EGFR: variants seen among roughly 807,000 people sequenced by gnomAD.
EGFR encodes epidermal growth factor receptor, also known as avian erythroblastic leukemia viral (v-erb-b) oncogene homolog.
A neutral mutation model predicts 143.0 loss-of-function variants in EGFR; 58 were observed. The ratio of observed to expected loss-of-function variants is 0.41; its 90% CI spans 0.33 to 0.50. EGFR has a LOEUF of 0.50. Ranked by LOEUF, EGFR falls within the 20% of genes least tolerant of loss-of-function variation. EGFR has a pLI of 0.39. For synonymous variants in EGFR, 613 were observed against 594.4 expected (o/e 1.03, Z -0.45); for missense variants, 1,307 against 1,579.0 (o/e 0.83, Z 2.92).
intron 1 of EGFR, among the ~76,000 whole-genome samples, chr7:55,063,526 AC>A (rs1427568296): frequency 6.6e-6 from 1 of 152,136 alleles, no homozygotes; most frequent in African/African-American, 2.4e-5. Context: ...CTAAACTTGC[AC>A]TCATGGAAAA....
In EGFR at chr7:55,162,743, A is replaced by G. The variant is rs578036531; in HGVS notation, c.1632-990A>G. Among the ~76,000 whole-genome samples, 6 of 152,316 alleles carry G rather than the reference A, an allele frequency of 3.9e-5. No individual in the cohort carries two copies. The South Asian group carries it at 1.2e-3, about 32-fold the overall frequency. On this transcript the variant is annotated intron_variant, in intron 13 of 27. Transcript: ENST00000275493. ...CACAGAAGACACAACCCTGTATCAC[A>G]TTTTGTTTAATGGTGCCATTGACCA...
intron 1 of EGFR, among the ~76,000 whole-genome samples, chr7:55,082,739 G>A (rs1790534973): frequency 6.6e-6 from 1 of 152,128 alleles, no homozygotes; most frequent in African/African-American, 2.4e-5. Context: ...GCTTCCCCAG[G>A]GCTGCTCTAA....
chr7:55,161,355 G>C, intron 12 of EGFR, 144 bp from the exon 13 acceptor site: 1 of 1,183,392 alleles, frequency 8.5e-7, no homozygotes, highest in Non-Finnish European at 1.2e-6. Context: ...CCCAGTCTGT[G>C]TCCTCCTCCT....
At position 55,210,036 on chromosome 7, in the gene EGFR, A is replaced by G. The variant is rs1400680030; in HGVS notation, c.*4419A>G. ...TATATTTAGGAAATTTTAAAAGATG[A>G]TGGAAAGCACATTTAGCTTGGTCTG... On this transcript the variant is annotated 3_prime_UTR_variant, in exon 28 of 28. Transcript: ENST00000275493. 1 of 152,270 alleles carries G rather than the reference A, an allele frequency of 6.6e-6. No homozygotes were observed. Among genetic ancestry groups the G allele is most frequent in the East Asian group, 1.9e-4 (1 of 5,178 alleles). The allele number at this position is 152,270 out of a possible 1,614,324, so 9.4% of individuals were successfully genotyped here.
intron 1 of EGFR, among the ~76,000 whole-genome samples, chr7:55,047,660 G>A (rs1788256588): frequency 6.6e-6 from 1 of 152,118 alleles, no homozygotes. Flanking sequence ...CTGAGGCAGG[G>A]GAATCACTTG....
In EGFR at chr7:55,056,011, A is replaced by T. The variant is rs376936655; in HGVS notation, c.88+36646A>T. 6.6e-5 allele frequency among the ~76,000 whole-genome samples: 10 copies of T among 152,156 alleles called. No homozygotes were observed. In the East Asian group the frequency reaches 1.5e-3, roughly 24 times the overall value. ...CCATCTGGTTTCTTCCAGCTCTGAG[A>T]GTGCATTTGCTCTGTGATTCATTCG... is the stretch of plus-strand genomic sequence containing the variant. On this transcript the variant is annotated intron_variant, in intron 1 of 27. Transcript: ENST00000275493.
chr7:55,069,565 A>G (rs917879), intron 1 of EGFR, among the ~76,000 whole-genome samples: 40,553 of 151,854 alleles, frequency 0.27, 6,163 homozygotes, highest in Non-Finnish European at 0.35. Flanking sequence ...CACGTACTTT[A>G]CCCCCAAGAC....
chr7:55,172,777 G>A (rs1584221498), intron 16 of EGFR: 2 of 1,441,810 alleles, frequency 1.4e-6, no homozygotes, highest in African/African-American at 1.4e-5. Flanking sequence ...AGTGTGCCTG[G>A]TAGGGGACTG....
chr7:55,073,360 T>C (rs1439892807), intron 1 of EGFR, among the ~76,000 whole-genome samples: 1 of 152,194 alleles, frequency 6.6e-6, no homozygotes, highest in Non-Finnish European at 1.5e-5. Flanking sequence ...GGGGATTTTT[T>C]TGTGACTATA....
chr7:55,150,141 A>G (rs979961156), intron 4 of EGFR, among the ~76,000 whole-genome samples: 1 of 152,210 alleles, frequency 6.6e-6, no homozygotes, highest in Non-Finnish European at 1.5e-5. Context: ...TTTTTCTTTT[A>G]AATATTTTTA....
intron 1 of EGFR, among the ~76,000 whole-genome samples, chr7:55,120,035 G>T (rs1306898541): frequency 6.6e-6 from 1 of 152,352 alleles, no homozygotes; most frequent in Non-Finnish European, 1.5e-5. Flanking sequence ...TGCTGACTGG[G>T]TAGCCAGATA....
chr7:55,019,361 G>A lies in EGFR; in HGVS notation c.84G>A (p.Lys28=), dbSNP rs770673046. The A allele has an allele frequency of 3.3e-6, 5 of 1,507,758 alleles. No individual in the cohort carries two copies. The South Asian group carries it at 4.8e-5, about 14-fold the overall frequency. 93.4% of individuals were successfully genotyped at this position (1,507,758 alleles called of 1,614,324 possible). A position where few individuals can be genotyped will look rare whatever the true frequency, so the allele number is the denominator to read the frequency against. The change falls in exon 1 of 28, where the codon AAG becomes AAA. Residue 28 remains lysine, a synonymous_variant. Transcript: ENST00000275493. ...LCPASRALEE[K]KVCQGTSNKL... is the part of the protein sequence containing the mutation. ...CGGCGAGTCGGGCTCTGGAGGAAAAGAAAGGTAAGGGCGTGTCTCGCCGGC... is the reference window on the plus strand; with the variant it reads ...CGGCGAGTCGGGCTCTGGAGGAAAAAAAAGGTAAGGGCGTGTCTCGCCGGC...
intron 19 of EGFR, among the ~76,000 whole-genome samples, chr7:55,177,926 G>A (rs894224490): frequency 6.6e-6 from 1 of 152,250 alleles, no homozygotes; most frequent in South Asian, 2.1e-4. Flanking sequence ...TACACCGAAC[G>A]GGACACACGA....
intron 22 of EGFR, among the ~76,000 whole-genome samples, chr7:55,194,934 T>C (rs1404908): frequency 0.63 from 95,394 of 152,028 alleles, 30,821 homozygotes; most frequent in East Asian, 0.9. Context: ...CTAGTCAAGG[T>C]GAATTATTCA....
chr7:55,130,628 A>G (rs1438747605), intron 1 of EGFR, among the ~76,000 whole-genome samples: 6 of 152,318 alleles, frequency 3.9e-5, no homozygotes, highest in Admixed American at 3.3e-4. Context: ...TCATTTTAAA[A>G]CAAGCGTTAA....
chr7:55,073,558 T>C (rs1039191305), intron 1 of EGFR, among the ~76,000 whole-genome samples: 4 of 152,170 alleles, frequency 2.6e-5, no homozygotes, highest in Admixed American at 2.0e-4. Flanking sequence ...GGAAATGAAG[T>C]GTGTATTTTT....
chr7:55,098,822 A>G (rs1791633607), intron 1 of EGFR, among the ~76,000 whole-genome samples: 2 of 152,206 alleles, frequency 1.3e-5, no homozygotes, highest in South Asian at 4.1e-4. Context: ...AGATTCAACA[A>G]AGTAGTTGAA....
intron 1 of EGFR, among the ~76,000 whole-genome samples, chr7:55,130,942 G>A (rs566398322): frequency 6.6e-6 from 1 of 152,312 alleles, no homozygotes; most frequent in Admixed American, 6.5e-5. Flanking sequence ...ATGTGAGCAG[G>A]AGGGCAGGCC....
chr7:55,092,778 C>T (rs1243122403), intron 1 of EGFR, among the ~76,000 whole-genome samples: 1 of 152,266 alleles, frequency 6.6e-6, no homozygotes, highest in East Asian at 1.9e-4. Flanking sequence ...GCGTCAGCCG[C>T]TCCTGGCAGG....
Sources: allele counts gnomAD v4.1 joint callset (sites outside exome capture counted in the v4.1 genomes callset), GRCh38; gene constraint gnomAD v4.1.1; transcripts MANE v1.5; gene names NCBI Gene and HGNC (gene_info 2026-07-23, HGNC 2026-07-21).